Variants in STK32A observed in about 807,000 individuals in gnomAD.
The protein encoded by STK32A is serine/threonine-protein kinase 32A.
Under a neutral mutation model 53.2 loss-of-function variants are expected in STK32A, and 41 were observed. The ratio of observed to expected loss-of-function variants is 0.77; its 90% CI spans 0.60 to 1.00. The LOEUF is 1.00. STK32A is among the 50% of genes least tolerant of loss of function. The pLI, the probability that STK32A is intolerant of heterozygous loss-of-function variation, is 0.00. For missense variants in STK32A, 458 were observed against 485.8 expected (o/e 0.94, Z 0.54); for synonymous variants, 166 against 162.8 (o/e 1.02, Z -0.15).
At chr5:147,267,127 C>T (rs77523629) in intron 2 of STK32A, among the ~76,000 whole-genome samples, 10,885 of 151,776 alleles carry the variant, frequency 0.072, 474 homozygotes, top group Middle Eastern at 0.1. Flanking sequence ...AATAATTATA[C>T]ATTATTGAGT....
rs1393343416 is a variant in STK32A, at chr5:147,385,666, A to G, written c.*1683A>G. On this transcript the variant is annotated 3_prime_UTR_variant, in exon 13 of 13. Transcript: ENST00000397936. ...TAATTCACCTAAGTGAGACGTGCATATGATGTAACTCCACTGTACAGATAC... is the reference window on the plus strand; with the variant it reads ...TAATTCACCTAAGTGAGACGTGCATGTGATGTAACTCCACTGTACAGATAC... 2 of 152,226 alleles carry G rather than the reference A, an allele frequency of 1.3e-5. No individual in the cohort carries two copies. Among genetic ancestry groups the G allele is most frequent in the East Asian group, 3.8e-4 (2 of 5,198 alleles). The allele number at this position is 152,226 out of a possible 1,614,324, so 9.4% of individuals were successfully genotyped here. A position where few individuals can be genotyped will look rare whatever the true frequency, so the allele number is the denominator to read the frequency against.
At chr5:147,268,506 G>A (rs765211085) in intron 2 of STK32A, among the ~76,000 whole-genome samples, 3 of 152,150 alleles carry the variant, frequency 2.0e-5, no homozygotes, top group Admixed American at 6.5e-5. Flanking sequence ...TGCCTGCAGA[G>A]TAATCAAAAT....
chr5:147,250,146 T>C (rs1753924396), intron 2 of STK32A, among the ~76,000 whole-genome samples: 1 of 152,088 alleles, frequency 6.6e-6, no homozygotes, highest in Non-Finnish European at 1.5e-5. Flanking sequence ...CTGTGACATT[T>C]TACTAAGATG....
chr5:147,301,033 A>G (rs1753106180), intron 4 of STK32A, among the ~76,000 whole-genome samples: 1 of 152,232 alleles, frequency 6.6e-6, no homozygotes, highest in African/African-American at 2.4e-5. Context: ...AAAAGCACAC[A>G]AAATTTGTTT....
At chr5:147,381,375 G>T (rs879288919) in intron 11 of STK32A, among the ~76,000 whole-genome samples, 69 of 152,212 alleles carry the variant, frequency 4.5e-4, no homozygotes, top group Admixed American at 1.6e-3. Context: ...GGACATGGTG[G>T]CTCACACCTG....
At chr5:147,311,187 G>A (rs1472993409) in intron 4 of STK32A, among the ~76,000 whole-genome samples, 1 of 152,086 alleles carries the variant, frequency 6.6e-6, no homozygotes, top group Non-Finnish European at 1.5e-5. Context: ...GGGTCCTTCT[G>A]TTAGTTTCTA....
intron 4 of STK32A, among the ~76,000 whole-genome samples, chr5:147,296,453 C>T (rs755398055): frequency 3.3e-5 from 5 of 151,768 alleles, no homozygotes; most frequent in South Asian, 2.1e-4. Context: ...CAGCAGCCTG[C>T]CGGCACTTGG....
chr5:147,391,180 G>T (rs1757788873), downstream of STK32A: 1 of 152,542 alleles, frequency 6.6e-6, no homozygotes, highest in Non-Finnish European at 1.5e-5. Context: ...GGCTTCTCAG[G>T]GATGAGTGAA....
In STK32A at chr5:147,384,185, T is replaced by G; in HGVS notation, c.*202T>G. On this transcript the variant is annotated 3_prime_UTR_variant, in exon 13 of 13. Coordinates refer to ENST00000397936, the MANE Select transcript of STK32A (RefSeq NM_001112724.2). Reference sequence around the variant, plus strand: ...GATGTCATTTCACATCAATCAACTGTGTGATCTAGAGCAAGTCACTTAGCC... The same window carrying G: ...GATGTCATTTCACATCAATCAACTGGGTGATCTAGAGCAAGTCACTTAGCC... 2 of 1,432,186 alleles carry G rather than the reference T, an allele frequency of 1.4e-6. No individual in the cohort carries two copies. Among genetic ancestry groups the G allele is most frequent in the South Asian group, 3.2e-5 (2 of 63,054 alleles). 88.7% of individuals were successfully genotyped at this position (1,432,186 alleles called of 1,614,324 possible). A position where few individuals can be genotyped will look rare whatever the true frequency, so the allele number is the denominator to read the frequency against.
At chr5:147,297,059 T>C (rs1752900845) in intron 4 of STK32A, among the ~76,000 whole-genome samples, 1 of 152,200 alleles carries the variant, frequency 6.6e-6, no homozygotes, top group Admixed American at 6.5e-5. Flanking sequence ...CAAAGGTTCT[T>C]TTTCAATGAC....
At chr5:147,389,726 C>T (rs777337809), downstream of STK32A, among the ~76,000 whole-genome samples, 12 of 152,004 alleles carry the variant, frequency 7.9e-5, no homozygotes, top group East Asian at 1.5e-3. Flanking sequence ...AAAAATTAGC[C>T]GGGTTGTGGT....
At chr5:147,396,990 TAATAC>T in the STK32A span, among the ~76,000 whole-genome samples, 1 of 147,472 alleles carries the variant, frequency 6.8e-6, no homozygotes, top group Non-Finnish European at 1.5e-5. Context: ...TGTATTGTTA[TAATAC>T]AATACACAAT....
chr5:147,274,504 A>C (rs2151952780), intron 2 of STK32A, among the ~76,000 whole-genome samples: 1 of 152,346 alleles, frequency 6.6e-6, no homozygotes. Context: ...TAGAGGTTAG[A>C]GAAAACAATG....
intron 4 of STK32A, among the ~76,000 whole-genome samples, chr5:147,289,883 C>T (rs2151960370): frequency 6.6e-6 from 1 of 152,188 alleles, no homozygotes; most frequent in South Asian, 2.1e-4. Flanking sequence ...TATATGTTTA[C>T]TGAGCATCGA....
chr5:147,356,144 G>A (rs1381813734), intron 7 of STK32A, among the ~76,000 whole-genome samples: 1 of 152,006 alleles, frequency 6.6e-6, no homozygotes, highest in Non-Finnish European at 1.5e-5. Flanking sequence ...AAAGTGATGT[G>A]TTCATAATCA....
In STK32A at chr5:147,298,298, T is replaced by C. The variant is rs562113246; in HGVS notation, c.260+18900T>C. ...TTTCAAACATACTTTTGTTCACCTC[T>C]TGAATGGAGGCAATTTTTTCTTTTA... is the stretch of plus-strand genomic sequence containing the variant. On this transcript the variant is annotated intron_variant, in intron 4 of 12. Coordinates refer to ENST00000397936, the MANE Select transcript of STK32A (RefSeq NM_001112724.2). Among the ~76,000 whole-genome samples the C allele has an allele frequency of 1.6e-4, 25 of 152,336 alleles. 1 individual carries two copies. The South Asian group carries it at 2.3e-3, about 14-fold the overall frequency.
intron 4 of STK32A, among the ~76,000 whole-genome samples, chr5:147,312,859 A>G (rs1379819778): frequency 6.6e-6 from 1 of 152,126 alleles, no homozygotes; most frequent in Non-Finnish European, 1.5e-5. Context: ...CTTTGTTTTG[A>G]CAAATCTTTG....
Position 147,270,284 on chromosome 5 carries a change from A to G in STK32A, c.53-7840A>G, listed in dbSNP as rs191749100. On this transcript the variant is annotated intron_variant, in intron 2 of 12. Coordinates refer to ENST00000397936, the MANE Select transcript of STK32A (RefSeq NM_001112724.2). ...CAGTGGTGCGATCACAGCTTACTGC[A>G]GCCTTGACTTCCCAGGCTTAAGGGC... 4.6e-3 allele frequency among the ~76,000 whole-genome samples: 700 copies of G among 152,216 alleles called. 7 individuals are homozygous for G. Among genetic ancestry groups the G allele is most frequent in the African/African-American group, 0.016 (663 of 41,530 alleles).
rs1372725616 is a variant in STK32A, at chr5:147,279,795, G to A, written c.260+397G>A. On this transcript the variant is annotated intron_variant, in intron 4 of 12. Coordinates refer to ENST00000397936, the MANE Select transcript of STK32A (RefSeq NM_001112724.2). ...TGGAACTGTCATGGTGCTGGTGGGTGTATGATTTAGTATGTTAATGAGTGT... is the reference window on the plus strand; with the variant it reads ...TGGAACTGTCATGGTGCTGGTGGGTATATGATTTAGTATGTTAATGAGTGT... 2.0e-5 allele frequency among the ~76,000 whole-genome samples: 3 copies of A among 152,152 alleles called. No homozygotes were observed. In the East Asian group the frequency reaches 5.8e-4, roughly 29 times the overall value.
Sources: allele counts gnomAD v4.1 joint callset (sites outside exome capture counted in the v4.1 genomes callset), GRCh38; gene constraint gnomAD v4.1.1; transcripts MANE v1.5; gene names NCBI Gene and HGNC (gene_info 2026-07-23, HGNC 2026-07-21).